Variants in PRRG4 observed in about 807,000 individuals in gnomAD.
PRRG4 encodes the protein proline rich and Gla domain 4, also known as transmembrane gamma-carboxyglutamic acid protein 4.
In PRRG4, 12 loss-of-function variants were observed where a neutral mutation model predicts 20.0. That is an observed-to-expected ratio of 0.60 (90% CI 0.38 to 0.97). The LOEUF is 0.97. Ranked by LOEUF, PRRG4 falls within the 50% of genes least tolerant of loss-of-function variation. The probability of loss-of-function intolerance (pLI) is 0.00; values close to 1 mark genes in which losing one functional copy is unlikely to be tolerated. For synonymous variants in PRRG4, 94 were observed against 96.4 expected (o/e 0.98, Z 0.15); for missense variants, 199 against 265.1 (o/e 0.75, Z 1.73).
chr11:32,831,910 A>C (rs1850975522), intron 2 of PRRG4, among the ~76,000 whole-genome samples: 1 of 152,090 alleles, frequency 6.6e-6, no homozygotes. Context: ...AATCCCAGCT[A>C]CCCGGGAGGC....
chr11:32,853,879 GAGA>G lies in PRRG4; in HGVS notation c.*355_*357del, dbSNP rs1455683129. 5.6e-6 allele frequency: 1 copy of G among 179,792 alleles called. No homozygotes were observed. The highest frequency in any genetic ancestry group is 1.2e-5 in the Non-Finnish European group (1 of 84,484). The allele number at this position is 179,792 out of a possible 1,614,324, so 11.1% of individuals were successfully genotyped here. On this transcript the variant is annotated 3_prime_UTR_variant, in exon 6 of 6. Transcript: ENST00000257836. ...GAAAAGAAGAAGAAAAGAGAAGAAG[GAGA>G]AGGAGATGAAGGAGGAGGAGGAGGA...
chr11:32,841,217 T>A (rs945033997), intron 5 of PRRG4, among the ~76,000 whole-genome samples: 2 of 152,210 alleles, frequency 1.3e-5, no homozygotes, highest in Non-Finnish European at 2.9e-5. Flanking sequence ...ACTTATCTTT[T>A]CAGCAAAATG....
rs982902147 is a variant in PRRG4 at position 32,840,983 on chromosome 11, A to G, written c.449+744A>G. 2.6e-5 allele frequency among the ~76,000 whole-genome samples: 4 copies of G among 152,170 alleles called. No individual in the cohort carries two copies. Among genetic ancestry groups the G allele is most frequent in the Non-Finnish European group, 5.9e-5 (4 of 68,018 alleles). On this transcript the variant is annotated intron_variant, in intron 5 of 5. Coordinates refer to ENST00000257836, the MANE Select transcript of PRRG4 (RefSeq NM_024081.6). This position sits in a 1 kb window ranked among gnomAD's most constrained non-coding sequence, Gnocchi z 4.1. ...TCATAAAGGCCATAATTGTTTGCAT[A>G]ATAGAAGCTCAGCATCCCTATTGAA...
At chr11:32,832,177 C>T (rs174747) in intron 2 of PRRG4, among the ~76,000 whole-genome samples, 116,733 of 152,062 alleles carry the variant, frequency 0.77, 45,018 homozygotes, top group East Asian at 0.99. Flanking sequence ...ACTTGATGAA[C>T]ACATGCTAAG....
In PRRG4 at chr11:32,856,352, T is replaced by C. The variant is rs1272377011; in HGVS notation, c.*2825T>C. On this transcript the variant is annotated 3_prime_UTR_variant, in exon 6 of 6. Transcript: ENST00000257836. ...ATGAGTCTAGAATTCATCATTAAGA[T>C]TGTGATATTTATAGAGCATCCAATG... is the stretch of plus-strand genomic sequence containing the variant. The C allele has an allele frequency of 6.6e-6, 1 of 152,196 alleles. No individual in the cohort carries two copies. The highest frequency in any genetic ancestry group is 2.4e-5 in the African/African-American group (1 of 41,436). 9.4% of individuals were successfully genotyped at this position (152,196 alleles called of 1,614,324 possible).
intron 5 of PRRG4, among the ~76,000 whole-genome samples, chr11:32,852,570 T>G (rs993754370): frequency 2.6e-5 from 4 of 152,080 alleles, no homozygotes; most frequent in African/African-American, 9.7e-5. Flanking sequence ...AATCCAGGAG[T>G]AAGAGAAAAG....
Position 32,836,569 on chromosome 11 carries a change from A to G in PRRG4, c.104-89A>G, listed in dbSNP as rs556755416. Reference sequence around the variant, plus strand: ...AGTTTGGTATAATTTAGCCACATCAAGAGAACTATTCACTTTTTTCCACAA... The same window carrying G: ...AGTTTGGTATAATTTAGCCACATCAGGAGAACTATTCACTTTTTTCCACAA... On this transcript the variant is annotated intron_variant, in intron 2 of 5. Coordinates refer to ENST00000257836, the MANE Select transcript of PRRG4 (RefSeq NM_024081.6). The G allele has an allele frequency of 2.6e-5, 18 of 694,112 alleles. No individual in the cohort carries two copies. The East Asian group carries it at 3.6e-4, about 14-fold the overall frequency. The allele number at this position is 694,112 out of a possible 1,614,324, so 43.0% of individuals were successfully genotyped here.
chr11:32,847,561 C>T (rs531903611), intron 5 of PRRG4, among the ~76,000 whole-genome samples: 4 of 152,176 alleles, frequency 2.6e-5, no homozygotes, highest in East Asian at 1.9e-4. Context: ...GAATGTAAAA[C>T]GGTACAGCCA....
At chr11:32,851,727 T>C (rs1851184552) in intron 5 of PRRG4, among the ~76,000 whole-genome samples, 1 of 152,214 alleles carries the variant, frequency 6.6e-6, no homozygotes, top group Admixed American at 6.5e-5. Context: ...TTGTAAATAT[T>C]GACTAGAAGT....
At position 32,857,523 on chromosome 11, in the gene PRRG4, G is replaced by C. The variant is rs1021306495; in HGVS notation, c.*3996G>C. On this transcript the variant is annotated 3_prime_UTR_variant, in exon 6 of 6. Coordinates refer to ENST00000257836, the MANE Select transcript of PRRG4 (RefSeq NM_024081.6). ...ACTCTCAGAACAATTAAAACCTGCAGAGCAACAGTGTCCTCCATGTCTTAG... is the reference window on the plus strand; with the variant it reads ...ACTCTCAGAACAATTAAAACCTGCACAGCAACAGTGTCCTCCATGTCTTAG... 3 of 152,202 alleles carry C rather than the reference G, an allele frequency of 2.0e-5. No individual in the cohort carries two copies. The highest frequency in any genetic ancestry group is 4.4e-5 in the Non-Finnish European group (3 of 68,040). The allele number at this position is 152,202 out of a possible 1,614,324, so 9.4% of individuals were successfully genotyped here. A position where few individuals can be genotyped will look rare whatever the true frequency, so the allele number is the denominator to read the frequency against.
At chr11:32,836,298 C>G (rs1227452838) in intron 2 of PRRG4, among the ~76,000 whole-genome samples, 2 of 151,994 alleles carry the variant, frequency 1.3e-5, no homozygotes, top group Non-Finnish European at 2.9e-5. Context: ...CCATGATGCC[C>G]CACTAATTTT....
Position 32,830,608 on chromosome 11 carries a change from G to C in PRRG4, c.79G>C (p.Ala27Pro). 6.2e-7 allele frequency: 1 copy of C among 1,613,892 alleles called. No individual in the cohort carries two copies. Among genetic ancestry groups the C allele is most frequent in the Non-Finnish European group, 8.5e-7 (1 of 1,179,970 alleles). The change falls in exon 2 of 6, where the codon GCT becomes CCT. Residue 27 changes from alanine (A) to proline (P), a missense_variant. Ala to Pro is a conservative substitution (Grantham distance 27). Coordinates refer to ENST00000257836, the MANE Select transcript of PRRG4 (RefSeq NM_024081.6). Reference sequence around the variant, plus strand: ...TCCTCATTGCGCAAGAGGTCCAAAGGCTTCTAAGCATGCGGGAGAAGAAGG... The same window carrying C: ...TCCTCATTGCGCAAGAGGTCCAAAGCCTTCTAAGCATGCGGGAGAAGAAGG... ...GFPHCARGPK[A>P]SKHAGEEVFT...
At chr11:32,834,681 A>G (rs1851003888) in intron 2 of PRRG4, among the ~76,000 whole-genome samples, 1 of 152,144 alleles carries the variant, frequency 6.6e-6, no homozygotes, top group African/African-American at 2.4e-5. Flanking sequence ...AAATATCACC[A>G]TTTTAAAATA....
chr11:32,844,148 T>A (rs932956469), intron 5 of PRRG4, among the ~76,000 whole-genome samples: 17 of 152,318 alleles, frequency 1.1e-4, no homozygotes, highest in Middle Eastern at 3.4e-3. Context: ...GGAGCCAGAC[T>A]GCCTGGATTC....
rs796598566 is a variant in PRRG4, at chr11:32,854,261, T to G, written c.*734T>G. On this transcript the variant is annotated 3_prime_UTR_variant, in exon 6 of 6. Transcript: ENST00000257836. ...AAGCAAGGATGTCTAACCATTAAGA[T>G]TATCCAAAGTCAGGCTGGGCGCAGT... 5.9e-5 allele frequency: 9 copies of G among 152,266 alleles called. No individual in the cohort carries two copies. Among genetic ancestry groups the G allele is most frequent in the African/African-American group, 2.2e-4 (9 of 41,564 alleles). The allele number at this position is 152,266 out of a possible 1,614,324, so 9.4% of individuals were successfully genotyped here. A position where few individuals can be genotyped will look rare whatever the true frequency, so the allele number is the denominator to read the frequency against.
At chr11:32,830,763 A>G in intron 2 of PRRG4, 131 bp downstream of exon 2, 1 of 1,421,710 alleles carries the variant, frequency 7.0e-7, no homozygotes, top group Non-Finnish European at 9.4e-7. Flanking sequence ...AATTTGTGGC[A>G]TATTTGGCAA....
chr11:32,853,400 G>A lies in PRRG4; in HGVS notation c.554G>A (p.Gly185Glu), dbSNP rs189390231. 2 of 1,614,030 alleles carry A rather than the reference G, an allele frequency of 1.2e-6. No individual in the cohort carries two copies. Among genetic ancestry groups the A allele is most frequent in the Admixed American group, 1.7e-5 (1 of 59,998 alleles). The change falls in exon 6 of 6, where the codon GGA becomes GAA. Residue 185 changes from glycine (G) to glutamate (E), a missense_variant. Physicochemically the swap from Gly to Glu is moderately conservative, Grantham distance 98 (BLOSUM62 -2). Transcript: ENST00000257836. ...SPLPPSVEDA[G>E]LPSYEQAVAL... ...TTGCCGCCTTCTGTGGAGGATGCAGGATTACCTTCTTATGAACAGGCAGTG... is the reference window on the plus strand; with the variant it reads ...TTGCCGCCTTCTGTGGAGGATGCAGAATTACCTTCTTATGAACAGGCAGTG...
At chr11:32,833,004 A>G (rs1419141487) in intron 2 of PRRG4, among the ~76,000 whole-genome samples, 1 of 152,216 alleles carries the variant, frequency 6.6e-6, no homozygotes, top group Non-Finnish European at 1.5e-5. Flanking sequence ...TCCTCCAGCC[A>G]TGGTCAAGGG....
Position 32,853,511 on chromosome 11 carries a change from C to T in PRRG4, c.665C>T (p.Ser222Phe). Reference protein sequence around the residue: ...KGFRVFKKSMSLPSH With the variant: ...KGFRVFKKSMFLPSH ...TTTAGGGTATTTAAAAAATCTATGTCTCTCCCATCTCACTGACTACCTTGT... is the reference window on the plus strand; with the variant it reads ...TTTAGGGTATTTAAAAAATCTATGTTTCTCCCATCTCACTGACTACCTTGT... Residue 222 changes from serine (S) to phenylalanine (F), a missense_variant, in exon 6 of 6, where the codon TCT (serine) becomes TTT (phenylalanine). Coordinates refer to ENST00000257836, the MANE Select transcript of PRRG4 (RefSeq NM_024081.6). 1 of 1,612,240 alleles carries T rather than the reference C, an allele frequency of 6.2e-7. No individual in the cohort carries two copies. Among genetic ancestry groups the T allele is most frequent in the Non-Finnish European group, 8.5e-7 (1 of 1,178,826 alleles).
Sources: allele counts gnomAD v4.1 joint callset (sites outside exome capture counted in the v4.1 genomes callset), GRCh38; gene constraint gnomAD v4.1.1; non-coding constraint Gnocchi (gnomAD v3.1); transcripts MANE v1.5; gene names NCBI Gene and HGNC (gene_info 2026-07-23, HGNC 2026-07-21).